The following PIWIL3 variants were observed in gnomAD, a reference collection of about 807,000 sequenced individuals.
PIWIL3 encodes piwi like RNA-mediated gene silencing 3.
In PIWIL3, 101 loss-of-function variants were observed where a neutral mutation model predicts 109.7. The observed-to-expected ratio is 0.92, with a 90% CI of 0.78 to 1.09. The LOEUF (loss-of-function observed/expected upper bound fraction) is 1.09, where lower values mean the gene tolerates loss of function less well. Ranked by LOEUF, PIWIL3 falls within the 50% of genes least tolerant of loss-of-function variation. The pLI is 0.00. For synonymous variants in PIWIL3, 373 were observed against 376.4 expected, an observed-to-expected ratio of 0.99 and a Z score of 0.10; for missense variants, 1,031 against 1,072.6, an observed-to-expected ratio of 0.96 and a Z score of 0.54.
intron 1 of PIWIL3, among the ~76,000 whole-genome samples, chr22:24,770,453 C>A (rs929537231): frequency 6.6e-6 from 1 of 152,068 alleles, no homozygotes; most frequent in African/African-American, 2.4e-5. Flanking sequence ...CTCTTCCCCC[C>A]AGACACTCCT....
At chr22:24,762,015 G>T in intron 2 of PIWIL3, 2 of 1,001,236 alleles carry the variant, frequency 2.0e-6, no homozygotes, top group Non-Finnish European at 2.4e-6. Context: ...AACAGGGCAG[G>T]CATAACAAGT....
At chr22:24,720,423 C>G (rs1301769489) in intron 19 of PIWIL3, among the ~76,000 whole-genome samples, 3 of 151,884 alleles carry the variant, frequency 2.0e-5, no homozygotes, top group Non-Finnish European at 2.9e-5. Flanking sequence ...AGGCGCCCAC[C>G]ACCACACCCG....
Position 24,757,981 on chromosome 22 carries a change from C to A in PIWIL3, c.282G>T (p.Arg94Ser). Residue 94 changes from arginine to serine, a missense_variant, in exon 4 of 21, where the codon AGG (arginine) becomes AGT (serine). Arg to Ser is a moderately radical substitution (Grantham distance 110). Coordinates refer to ENST00000616349, the MANE Select transcript of PIWIL3 (RefSeq NM_001255975.1). ...CCAGGTCTTGAAAAACTCCACCAAT[C>A]CTTCTCTCCTGCAAGGGCGCTGTAT... The part of the protein sequence containing the change: ...GLHTAPLQER[R>S]IGGVFQDLVV... 6.2e-7 allele frequency: 1 copy of A among 1,614,040 alleles called. No individual in the cohort carries two copies. The highest frequency in any genetic ancestry group is 8.5e-7 in the Non-Finnish European group (1 of 1,179,970).
chr22:24,725,828 C>T (rs946896336), intron 16 of PIWIL3, among the ~76,000 whole-genome samples: 10 of 127,058 alleles, frequency 7.9e-5, no homozygotes, highest in African/African-American at 2.5e-4. Flanking sequence ...CCCTGTGCTC[C>T]CCCTGGTTCC....
intron 12 of PIWIL3, among the ~76,000 whole-genome samples, chr22:24,745,967 A>G (rs1157310975): frequency 6.6e-6 from 1 of 152,176 alleles, no homozygotes; most frequent in African/African-American, 2.4e-5. Flanking sequence ...GATGTAATAA[A>G]AAGTTTCCCA....
chr22:24,764,393 C>G (rs1358409239), intron 1 of PIWIL3, among the ~76,000 whole-genome samples: 1 of 152,188 alleles, frequency 6.6e-6, no homozygotes, highest in Non-Finnish European at 1.5e-5. Flanking sequence ...GTAGCTTTAA[C>G]CAACTCCCTG....
In PIWIL3 at chr22:24,727,950, T is replaced by G; in HGVS notation, c.2009A>C (p.Lys670Thr). The change falls in exon 16 of 21, where the codon AAG becomes ACG. Residue 670 changes from lysine (K) to threonine (T), a missense_variant and splice_region_variant. Physicochemically the swap from Lys to Thr is moderately conservative, Grantham distance 78 (BLOSUM62 -1). Coordinates refer to ENST00000616349, the MANE Select transcript of PIWIL3 (RefSeq NM_001255975.1). ...FVASTNAELT[K>T]WYSQCVIQKT... is the part of the protein sequence containing the mutation. The stretch of plus-strand genomic sequence containing the variant: ...AACATGTCTACCAGAGCTTACTTAC[T>G]TTGTTAATTCAGCATTGGTACTTGC... The G allele has an allele frequency of 6.2e-7, 1 of 1,607,418 alleles. No homozygotes were observed. Among genetic ancestry groups the G allele is most frequent in the South Asian group, 1.1e-5 (1 of 90,828 alleles).
chr22:24,745,717 G>GAAAAAAAAAAAAAAAAAAAA (rs71189273), intron 12 of PIWIL3, among the ~76,000 whole-genome samples: 1 of 80,248 alleles, frequency 1.2e-5, no homozygotes, highest in African/African-American at 4.7e-5. Context: ...GTCAGACTAA[G>GAAAAAAAAAAAAAAAAAAAA]AAAAAAAAAA....
rs1210919410 is a variant in PIWIL3, at chr22:24,773,634, A to G, written c.-23+688T>C. 2.4e-4 allele frequency among the ~76,000 whole-genome samples: 37 copies of G among 151,972 alleles called. 1 individual carries two copies. Among genetic ancestry groups the G allele is most frequent in the Non-Finnish European group, 4.4e-5 (3 of 68,012 alleles). On this transcript the variant is annotated intron_variant, in intron 1 of 20. Transcript: ENST00000616349. Reference sequence around the variant, plus strand: ...TAAGGATGTAAGTAGGTACACATATACATATGTATCTAAAATATATTAAGT... The same window carrying G: ...TAAGGATGTAAGTAGGTACACATATGCATATGTATCTAAAATATATTAAGT...
rs976064870 is a variant in PIWIL3 at position 24,735,777 on chromosome 22, G to A, written c.1565C>T (p.Ala522Val). 1 of 1,614,040 alleles carries A rather than the reference G, an allele frequency of 6.2e-7. No individual in the cohort carries two copies. Among genetic ancestry groups the A allele is most frequent in the African/African-American group, 1.3e-5 (1 of 75,022 alleles). Residue 522 changes from alanine to valine, a missense_variant, in exon 13 of 21, where the codon GCC becomes GTC. Transcript: ENST00000616349. ...ILYSRSSHREAMSLKGHLQSV... is the reference protein window; with the variant it reads ...ILYSRSSHREVMSLKGHLQSV... ...CTGTAGATGACCCTTTAAGGACATG[G>A]CTTCTCTGTGACTGCTCCTGCTATA...
chr22:24,772,674 C>T (rs575073900), intron 1 of PIWIL3, among the ~76,000 whole-genome samples: 7 of 152,106 alleles, frequency 4.6e-5, no homozygotes, highest in South Asian at 4.2e-4. Context: ...GACCAGCTCC[C>T]CTGTCTTTCC....
At chr22:24,750,550 G>A (rs191119295) in intron 9 of PIWIL3, among the ~76,000 whole-genome samples, 105 of 140,304 alleles carry the variant, frequency 7.5e-4, no homozygotes, top group Non-Finnish European at 1.1e-3. Flanking sequence ...GTGCAACGGC[G>A]CGATCTTGGC....
At chr22:24,765,488 T>C (rs6004267) in intron 1 of PIWIL3, among the ~76,000 whole-genome samples, 3,483 of 152,308 alleles carry the variant, frequency 0.023, 150 homozygotes, top group African/African-American at 0.078. Context: ...ACTTGAGTCT[T>C]CCTTTTTAAA....
At chr22:24,763,434 G>A (rs1385057648) in intron 1 of PIWIL3, among the ~76,000 whole-genome samples, 1 of 152,142 alleles carries the variant, frequency 6.6e-6, no homozygotes, top group Non-Finnish European at 1.5e-5. Flanking sequence ...CTGAGTAGCT[G>A]GGATTACAGG....
At chr22:24,745,509 T>C (rs1197469813) in intron 12 of PIWIL3, among the ~76,000 whole-genome samples, 2 of 151,808 alleles carry the variant, frequency 1.3e-5, no homozygotes, top group Non-Finnish European at 2.9e-5. Flanking sequence ...ATCACCCCAC[T>C]ACACTCCAGC....
At chr22:24,748,115 A>T in intron 12 of PIWIL3, among the ~76,000 whole-genome samples, 1 of 151,954 alleles carries the variant, frequency 6.6e-6, no homozygotes. Context: ...AAACAATGAG[A>T]CCCTGTCATT....
intron 1 of PIWIL3, among the ~76,000 whole-genome samples, chr22:24,770,292 C>G (rs1926060192): frequency 6.6e-6 from 1 of 152,238 alleles, no homozygotes; most frequent in Non-Finnish European, 1.5e-5. Context: ...CCTGCCTGGA[C>G]AGAGCCATAG....
chr22:24,745,479 G>A (rs1182783837), intron 12 of PIWIL3, among the ~76,000 whole-genome samples: 1 of 151,882 alleles, frequency 6.6e-6, no homozygotes, highest in African/African-American at 2.4e-5. Context: ...CCAGGGAGGT[G>A]GAGGTTGCAG....
chr22:24,748,107 A>C (rs573197795), intron 12 of PIWIL3, among the ~76,000 whole-genome samples: 3 of 151,696 alleles, frequency 2.0e-5, no homozygotes, highest in Admixed American at 6.6e-5. Context: ...CGTAAAAAAA[A>C]CAATGAGACC....
Sources: gnomAD v4.1 joint callset for allele counts (sites outside exome capture counted in the v4.1 genomes callset) on GRCh38, gnomAD v4.1.1 for gene constraint, MANE v1.5 for transcripts, NCBI Gene and HGNC (gene_info 2026-07-23, HGNC 2026-07-21) for gene names.